The following NNMT variants were observed in gnomAD, a reference collection of about 807,000 sequenced individuals.
NNMT encodes the protein nicotinamide N-methyltransferase.
A neutral mutation model predicts 11.7 loss-of-function variants in NNMT; 10 were observed. The observed-to-expected ratio is 0.85, with a 90% CI of 0.53 to 1.45. The LOEUF is 1.45. Among genes scored for constraint, NNMT ranks in the 40% most tolerant of loss-of-function variants. NNMT has a pLI of 0.00. For missense variants in NNMT, 381 were observed against 319.4 expected (o/e 1.19, Z -1.47); for synonymous variants, 143 against 133.8 (o/e 1.07, Z -0.48).
intron 2 of NNMT, among the ~76,000 whole-genome samples, chr11:114,303,598 G>A (rs1945460169): frequency 1.3e-5 from 2 of 152,152 alleles, no homozygotes; most frequent in East Asian, 1.9e-4. Flanking sequence ...ACAGTGACGT[G>A]TTTTCTAAGT....
intron 1 of NNMT, among the ~76,000 whole-genome samples, chr11:114,261,960 G>T (rs1435300307): frequency 6.6e-6 from 1 of 152,120 alleles, no homozygotes; most frequent in Non-Finnish European, 1.5e-5. Context: ...CGGAAGCTTT[G>T]TGACTGGGAA....
chr11:114,290,268 GT>G (rs554286500), intron 2 of NNMT, among the ~76,000 whole-genome samples: 269 of 152,226 alleles, frequency 1.8e-3, no homozygotes, highest in African/African-American at 6.3e-3. Context: ...GCTTTTGTCT[GT>G]TTTTAATCCT....
intron 2 of NNMT, among the ~76,000 whole-genome samples, chr11:114,281,025 A>G (rs1397225239): frequency 2.0e-5 from 3 of 152,206 alleles, no homozygotes; most frequent in Non-Finnish European, 2.9e-5. Context: ...GCTGAGGCCC[A>G]GGAAAGCCAA....
At chr11:114,267,062 C>T (rs978418109) in intron 2 of NNMT, among the ~76,000 whole-genome samples, 19 of 152,078 alleles carry the variant, frequency 1.2e-4, no homozygotes, top group Non-Finnish European at 1.9e-4. Context: ...GTCAGGAGTT[C>T]GAGACCAGCC....
At chr11:114,260,027 T>C (rs1228805621) in intron 1 of NNMT, among the ~76,000 whole-genome samples, 3 of 152,158 alleles carry the variant, frequency 2.0e-5, no homozygotes, top group Non-Finnish European at 4.4e-5. Context: ...TGGGACCCGA[T>C]GGGGCTCCTC....
At chr11:114,297,629 G>C (rs957388103) in intron 1 of NNMT, among the ~76,000 whole-genome samples, 1 of 151,744 alleles carries the variant, frequency 6.6e-6, no homozygotes, top group Non-Finnish European at 1.5e-5. Flanking sequence ...AGGTCTTCAG[G>C]CACACGCCAC....
At chr11:114,287,637 T>C (rs773583903) in intron 2 of NNMT, among the ~76,000 whole-genome samples, 12 of 152,206 alleles carry the variant, frequency 7.9e-5, no homozygotes, top group Non-Finnish European at 1.6e-4. Flanking sequence ...CTGTCTTAAT[T>C]ACTACAGCTT....
chr11:114,274,761 A>G (rs1565720386), intron 2 of NNMT, among the ~76,000 whole-genome samples: 1 of 152,248 alleles, frequency 6.6e-6, no homozygotes, highest in Non-Finnish European at 1.5e-5. Flanking sequence ...AAGCATATGC[A>G]TAACAGGCAG....
At chr11:114,283,025 G>A (rs1052285163) in intron 2 of NNMT, among the ~76,000 whole-genome samples, 1 of 152,296 alleles carries the variant, frequency 6.6e-6, no homozygotes, top group South Asian at 2.1e-4. Flanking sequence ...TTGATGGTAG[G>A]GATGGGAGTG....
At chr11:114,274,165 C>G (rs1945195345) in intron 2 of NNMT, among the ~76,000 whole-genome samples, 1 of 152,206 alleles carries the variant, frequency 6.6e-6, no homozygotes, top group African/African-American at 2.4e-5. Flanking sequence ...GGTTGACTCT[C>G]TACACCCCAA....
rs576476423 is a variant in NNMT at position 114,312,452 on chromosome 11, C to T, written c.770C>T (p.Ala257Val). The change falls in exon 3 of 3, where the codon GCG (alanine) becomes GTG (valine). Residue 257 changes from alanine (A) to valine (V), a missense_variant. Ala to Val is a moderately conservative substitution (Grantham distance 64). Coordinates refer to ENST00000299964, the MANE Select transcript of NNMT (RefSeq NM_006169.3). ...ANNEGLFSLV[A>V]RKLSRPL ...AACGAAGGACTTTTCTCCCTGGTGGCGAGGAAGCTGAGCAGACCCCTGTGA... is the reference window on the plus strand; with the variant it reads ...AACGAAGGACTTTTCTCCCTGGTGGTGAGGAAGCTGAGCAGACCCCTGTGA... 41 of 1,613,892 alleles carry T rather than the reference C, an allele frequency of 2.5e-5. No individual in the cohort carries two copies. The East Asian group carries it at 2.7e-4, about 11-fold the overall frequency.
chr11:114,270,117 T>C (rs966626166), intron 2 of NNMT, among the ~76,000 whole-genome samples: 1 of 152,178 alleles, frequency 6.6e-6, no homozygotes, highest in Admixed American at 6.5e-5. Flanking sequence ...GATCAGAGAA[T>C]ATTTTGTATT....
intron 2 of NNMT, among the ~76,000 whole-genome samples, chr11:114,309,705 C>T (rs955661025): frequency 1.6e-4 from 25 of 152,160 alleles, no homozygotes; most frequent in Non-Finnish European, 1.6e-4. Context: ...AGTTGTGCAA[C>T]CTTCATCACA....
At chr11:114,306,010 G>C (rs1191904092) in intron 2 of NNMT, among the ~76,000 whole-genome samples, 1 of 152,188 alleles carries the variant, frequency 6.6e-6, no homozygotes, top group East Asian at 1.9e-4. Flanking sequence ...TCCAGCACCT[G>C]TTGTTTCCTG....
upstream of NNMT, among the ~76,000 whole-genome samples, chr11:114,294,678 A>C (rs1945359595): frequency 6.6e-6 from 1 of 152,134 alleles, no homozygotes; most frequent in Non-Finnish European, 1.5e-5. Flanking sequence ...TTTGTATTGC[A>C]GGCCTCTATC....
At chr11:114,306,624 G>C (rs1051037987) in intron 2 of NNMT, among the ~76,000 whole-genome samples, 1 of 152,110 alleles carries the variant, frequency 6.6e-6, no homozygotes, top group African/African-American at 2.4e-5. Flanking sequence ...CCTATTTCTT[G>C]TTTTTGTCAG....
chr11:114,300,164 T>G (rs1432656763), intron 2 of NNMT, among the ~76,000 whole-genome samples: 1 of 152,154 alleles, frequency 6.6e-6, no homozygotes, highest in Non-Finnish European at 1.5e-5. Flanking sequence ...TATCATTTAT[T>G]TCACATATCT....
upstream of NNMT, among the ~76,000 whole-genome samples, chr11:114,294,974 G>C (rs1044489159): frequency 2.0e-5 from 3 of 152,194 alleles, no homozygotes; most frequent in Admixed American, 2.0e-4. Context: ...AAGAGAGAGC[G>C]AATTCTCTGG....
intron 2 of NNMT, among the ~76,000 whole-genome samples, chr11:114,283,844 C>T (rs1448870884): frequency 2.0e-5 from 3 of 152,200 alleles, no homozygotes; most frequent in Non-Finnish European, 4.4e-5. Flanking sequence ...TTAGTCCTAA[C>T]ATCTTTTACC....
Sources: allele counts gnomAD v4.1 joint callset (sites outside exome capture counted in the v4.1 genomes callset), GRCh38; gene constraint gnomAD v4.1.1; transcripts MANE v1.5; gene names NCBI Gene and HGNC (gene_info 2026-07-23, HGNC 2026-07-21).